The following ADORA2B variants were observed in gnomAD, a reference collection of about 807,000 sequenced individuals.
ADORA2B encodes adenosine receptor A2b.
In ADORA2B, 18 loss-of-function variants were observed where a neutral mutation model predicts 20.8. That is an observed-to-expected ratio of 0.87 (90% CI 0.60 to 1.29). The LOEUF (loss-of-function observed/expected upper bound fraction) is 1.29. Ranked by LOEUF, ADORA2B falls within the 50% of genes most tolerant of loss-of-function variation. ADORA2B has a pLI of 0.00. For missense variants in ADORA2B, 441 were observed against 422.7 expected, an observed-to-expected ratio of 1.04 and a Z score of -0.38; for synonymous variants, 179 against 178.3, an observed-to-expected ratio of 1.00 and a Z score of -0.03.
At chr17:15,919,955 G>A in the ADORA2B span, among the ~76,000 whole-genome samples, 13 of 152,172 alleles carry the variant, frequency 8.5e-5, no homozygotes, top group South Asian at 2.1e-4. Flanking sequence ...TTCAATTAGC[G>A]TCAGCGTGAA....
the ADORA2B span, among the ~76,000 whole-genome samples, chr17:15,872,395 C>CT: frequency 6.6e-6 from 1 of 152,080 alleles, no homozygotes; most frequent in South Asian, 2.1e-4. Flanking sequence ...TATTCAGGCT[C>CT]TTTTTTGGTT....
At chr17:15,876,932 A>G in the ADORA2B span, among the ~76,000 whole-genome samples, 1 of 152,158 alleles carries the variant, frequency 6.6e-6, no homozygotes, top group African/African-American at 2.4e-5. Context: ...CTTGTCCCCC[A>G]GCCACCATTC....
chr17:15,948,898 T>C (rs1255301521), intron 1 of ADORA2B, among the ~76,000 whole-genome samples: 2 of 152,120 alleles, frequency 1.3e-5, no homozygotes, highest in African/African-American at 4.8e-5. Flanking sequence ...CTGAATGTTT[T>C]TCAAAACTTA....
chr17:15,938,648 C>T, the ADORA2B span, among the ~76,000 whole-genome samples: 3 of 152,138 alleles, frequency 2.0e-5, no homozygotes, highest in South Asian at 2.1e-4. Flanking sequence ...GCAATATTGG[C>T]GTTTTGGTGG....
chr17:15,974,869 G>A lies in ADORA2B; in HGVS notation c.526G>A (p.Val176Met), dbSNP rs1469611068. 1 of 1,614,074 alleles carries A rather than the reference G, an allele frequency of 6.2e-7. No homozygotes were observed. Among genetic ancestry groups the A allele is most frequent in the African/African-American group, 1.3e-5 (1 of 74,930 alleles). ...CCLVKCLFENVVPMSYMVYFN... is the reference protein window; with the variant it reads ...CCLVKCLFENMVPMSYMVYFN... ...CCTTGTGAAGTGTCTCTTTGAGAAT[G>A]TGGTCCCCATGAGCTACATGGTATA... Residue 176 changes from valine (V) to methionine (M), a missense_variant, in exon 2 of 2, where the codon GTG becomes ATG. Val to Met is a conservative substitution (Grantham distance 21). Transcript: ENST00000304222.
chr17:15,954,060 C>A (rs890748650), intron 1 of ADORA2B, among the ~76,000 whole-genome samples: 1 of 152,016 alleles, frequency 6.6e-6, no homozygotes, highest in African/African-American at 2.4e-5. Context: ...CTCACTGCAA[C>A]CTCCGATTCC....
At chr17:15,923,866 T>A in the ADORA2B span, among the ~76,000 whole-genome samples, 15 of 152,294 alleles carry the variant, frequency 9.8e-5, no homozygotes, top group Admixed American at 8.5e-4. Context: ...AAAATTTTTT[T>A]AATTTTTGTC....
At chr17:15,928,695 G>A in the ADORA2B span, among the ~76,000 whole-genome samples, 1 of 152,212 alleles carries the variant, frequency 6.6e-6, no homozygotes, top group South Asian at 2.1e-4. Flanking sequence ...CGTGAAGGTG[G>A]GTCAGGTGTG....
chr17:15,907,578 G>C, the ADORA2B span, among the ~76,000 whole-genome samples: 1 of 152,136 alleles, frequency 6.6e-6, no homozygotes, highest in South Asian at 2.1e-4. Context: ...TGGACCTTAT[G>C]CGTGCTCAAT....
intron 1 of ADORA2B, among the ~76,000 whole-genome samples, chr17:15,957,361 G>A (rs181337379): frequency 2.0e-5 from 3 of 152,294 alleles, no homozygotes; most frequent in African/African-American, 4.8e-5. Context: ...ATTGATGTGC[G>A]TGAGATCTGC....
the ADORA2B span, among the ~76,000 whole-genome samples, chr17:15,930,939 A>C: frequency 0.018 from 2,759 of 152,356 alleles, 76 homozygotes; most frequent in African/African-American, 0.062. Flanking sequence ...AGTAAGCCTA[A>C]ATTCACTGGG....
At chr17:15,930,047 T>C in the ADORA2B span, among the ~76,000 whole-genome samples, 1 of 152,076 alleles carries the variant, frequency 6.6e-6, no homozygotes, top group Non-Finnish European at 1.5e-5. Flanking sequence ...AGCTATCCTA[T>C]TGCCTCGAGG....
At chr17:15,852,887 A>G in the ADORA2B span, among the ~76,000 whole-genome samples, 1 of 152,156 alleles carries the variant, frequency 6.6e-6, no homozygotes, top group South Asian at 2.1e-4. Flanking sequence ...GAAAAGATCT[A>G]ATGTGTAATT....
chr17:15,975,078 G>T lies in ADORA2B; in HGVS notation c.735G>T (p.Leu245=). ...CCATGATTGTGGGGATTTTTGCCCT[G>T]TGCTGGTTACCTGTGCATGCTGTTA... The part of the protein sequence containing the change: ...SLAMIVGIFA[L]CWLPVHAVNC... The change falls in exon 2 of 2, where the codon CTG becomes CTT. Residue 245 remains leucine, a synonymous_variant. Coordinates refer to ENST00000304222, the MANE Select transcript of ADORA2B (RefSeq NM_000676.4). 1 of 1,614,140 alleles carries T rather than the reference G, an allele frequency of 6.2e-7. No homozygotes were observed.
At chr17:15,969,274 A>C (rs1011528202) in intron 1 of ADORA2B, among the ~76,000 whole-genome samples, 5 of 151,838 alleles carry the variant, frequency 3.3e-5, no homozygotes, top group African/African-American at 7.3e-5. Context: ...CACAGTGAAA[A>C]CCCATCTCTA....
chr17:15,945,130 A>G lies in ADORA2B; in HGVS notation c.-119A>G. The G allele has an allele frequency of 4.4e-6, 4 of 902,884 alleles. No homozygotes were observed. The highest frequency in any genetic ancestry group is 5.9e-6 in the Non-Finnish European group (4 of 677,468). 55.9% of individuals were successfully genotyped at this position (902,884 alleles called of 1,614,324 possible). ...CACCAGCGCCCCAGCCCCGAGGCTC[A>G]GAAGCGGCAGGCGGAGGCGCGGTCC... On this transcript the variant is annotated 5_prime_UTR_variant, in exon 1 of 2. Transcript: ENST00000304222.
At chr17:15,905,404 C>T in the ADORA2B span, among the ~76,000 whole-genome samples, 1 of 152,034 alleles carries the variant, frequency 6.6e-6, no homozygotes, top group East Asian at 1.9e-4. Context: ...TCTTTTGAAA[C>T]GGAGTCTCGC....
intron 1 of ADORA2B, among the ~76,000 whole-genome samples, chr17:15,951,710 G>C (rs2151595539): frequency 6.6e-6 from 1 of 152,360 alleles, no homozygotes; most frequent in South Asian, 2.1e-4. Context: ...GATACCTGAA[G>C]GCCCTCTCCC....
chr17:15,908,690 C>T, the ADORA2B span: 2 of 156,622 alleles, frequency 1.3e-5, no homozygotes, highest in African/African-American at 2.4e-5. Flanking sequence ...CCTGGAAGCA[C>T]CTGATTACTG....
Sources: gnomAD v4.1 joint callset for allele counts (sites outside exome capture counted in the v4.1 genomes callset) on GRCh38, gnomAD v4.1.1 for gene constraint, MANE v1.5 for transcripts, NCBI Gene and HGNC (gene_info 2026-07-23, HGNC 2026-07-21) for gene names.